Variants in KLHL24 observed in about 807,000 individuals in gnomAD.
The protein encoded by KLHL24 is kelch-like protein 24.
Under a neutral mutation model 53.4 loss-of-function variants are expected in KLHL24, and 29 were observed. The ratio of observed to expected loss-of-function variants is 0.54; its 90% CI spans 0.40 to 0.74. The LOEUF (loss-of-function observed/expected upper bound fraction) is 0.74, where lower values mean the gene tolerates loss of function less well. Among genes scored for constraint, KLHL24 ranks in the 30% least tolerant of loss-of-function variants. The pLI is 0.00. For missense variants in KLHL24, 504 were observed against 744.0 expected, an observed-to-expected ratio of 0.68 and a Z score of 3.75; for synonymous variants, 222 against 253.7, an observed-to-expected ratio of 0.88 and a Z score of 1.19.
chr3:183,682,059 T>A lies in KLHL24; in HGVS notation c.*2773T>A, dbSNP rs1055703898. On this transcript the variant is annotated 3_prime_UTR_variant, in exon 8 of 8. Coordinates refer to ENST00000242810, the MANE Select transcript of KLHL24 (RefSeq NM_017644.3). ...TCTGGAATTTTTTTTTATTTGGGCA[T>A]TTCTAGAACTTTTTACATTTGAAAG... The A allele has an allele frequency of 1.3e-5, 2 of 152,184 alleles. No individual in the cohort carries two copies. Among genetic ancestry groups the A allele is most frequent in the Non-Finnish European group, 1.5e-5 (1 of 67,978 alleles). 9.4% of individuals were successfully genotyped at this position (152,184 alleles called of 1,614,324 possible).
intron 3 of KLHL24, among the ~76,000 whole-genome samples, chr3:183,661,861 T>G (rs1042604902): frequency 9.9e-5 from 15 of 152,220 alleles, no homozygotes; most frequent in African/African-American, 3.4e-4. Context: ...CTTCAGTGAC[T>G]AGCAGTGTTT....
chr3:183,662,572 A>C (rs1039660579), intron 3 of KLHL24, among the ~76,000 whole-genome samples: 1 of 152,232 alleles, frequency 6.6e-6, no homozygotes, highest in East Asian at 1.9e-4. Flanking sequence ...TTTATGAACA[A>C]AAAATTGTGG....
intron 1 of KLHL24, among the ~76,000 whole-genome samples, chr3:183,640,891 C>A (rs1024672435): frequency 6.6e-6 from 1 of 151,870 alleles, no homozygotes; most frequent in Admixed American, 6.6e-5. Flanking sequence ...TGAGCCACCT[C>A]GGCCAGCCAG....
intron 1 of KLHL24, among the ~76,000 whole-genome samples, chr3:183,640,600 C>CTTTTTTTTT (rs761361160): frequency 1.3e-4 from 8 of 61,666 alleles, no homozygotes; most frequent in Non-Finnish European, 1.5e-4. Flanking sequence ...TTTCTTTTTT[C>CTTTTTTTTT]TTTTTTTTTT....
chr3:183,636,658 CGAGG>C (rs1351838169), intron 1 of KLHL24: 1 of 152,438 alleles, frequency 6.6e-6, no homozygotes, highest in African/African-American at 2.4e-5. Context: ...GGGCGGTACC[CGAGG>C]GAGAGTTCGA....
At position 183,650,192 on chromosome 3, in the gene KLHL24, ATATAT is replaced by A. The variant is rs1451925958; in HGVS notation, c.-61-100_-61-96del. The A allele has an allele frequency of 5.0e-6, 3 of 601,300 alleles. No homozygotes were observed. The highest frequency in any genetic ancestry group is 8.7e-6 in the Non-Finnish European group (3 of 345,852). The allele number at this position is 601,300 out of a possible 1,614,324, so 37.2% of individuals were successfully genotyped here. On this transcript the variant is annotated intron_variant, in intron 2 of 7. Coordinates refer to ENST00000242810, the MANE Select transcript of KLHL24 (RefSeq NM_017644.3). The surrounding 1 kb of genome is among the most constrained non-coding windows in gnomAD (Gnocchi z 4.5). ...GATAGTGCTGTGTACCCTATATGAAATATATTATGTGATTTTGTTGTAGTGTTTAT... is the reference window on the plus strand; with the variant it reads ...GATAGTGCTGTGTACCCTATATGAAATATGTGATTTTGTTGTAGTGTTTAT...
intron 3 of KLHL24, among the ~76,000 whole-genome samples, chr3:183,651,607 A>G (rs562753772): frequency 6.6e-6 from 1 of 152,296 alleles, no homozygotes; most frequent in African/African-American, 2.4e-5. Context: ...GAGTCTTTGG[A>G]TACAGGGTAG....
chr3:183,665,745 T>C (rs539126385), intron 5 of KLHL24, among the ~76,000 whole-genome samples: 2 of 152,052 alleles, frequency 1.3e-5, no homozygotes, highest in Admixed American at 6.5e-5. Flanking sequence ...CGAGACTCCA[T>C]CTCAAAAAAA....
chr3:183,656,608 T>G (rs1340103498), intron 3 of KLHL24, among the ~76,000 whole-genome samples: 1 of 152,222 alleles, frequency 6.6e-6, no homozygotes, highest in African/African-American at 2.4e-5. Flanking sequence ...CTCAGTATGC[T>G]AAGTGCTAGG....
intron 3 of KLHL24, among the ~76,000 whole-genome samples, chr3:183,659,439 A>C (rs148866829): frequency 3.3e-5 from 5 of 152,330 alleles, no homozygotes; most frequent in Non-Finnish European, 5.9e-5. Flanking sequence ...GCAGAGACTG[A>C]GGCAGGAGAA....
chr3:183,651,198 G>A lies in KLHL24; in HGVS notation c.842G>A (p.Cys281Tyr). 6.2e-7 allele frequency: 1 copy of A among 1,614,154 alleles called. No homozygotes were observed. The highest frequency in any genetic ancestry group is 1.1e-5 in the South Asian group (1 of 91,088). The change falls in exon 3 of 8, where the codon TGT (cysteine) becomes TAT (tyrosine). Residue 281 changes from cysteine (C) to tyrosine (Y), a missense_variant. Cys to Tyr is a radical substitution (Grantham distance 194). Coordinates refer to ENST00000242810, the MANE Select transcript of KLHL24 (RefSeq NM_017644.3). ...CAATTGATCCAGAATTCTCCTGAGT[G>A]TTATCAGTTGTTGCATGAAGCAAGA... is the stretch of plus-strand genomic sequence containing the variant. The part of the protein sequence containing the change: ...VDQLIQNSPE[C>Y]YQLLHEARRY...
At chr3:183,661,426 T>C (rs1719779795) in intron 3 of KLHL24, among the ~76,000 whole-genome samples, 1 of 152,182 alleles carries the variant, frequency 6.6e-6, no homozygotes, top group African/African-American at 2.4e-5. Flanking sequence ...CTGCCTGAGA[T>C]AAGTATTTCT....
chr3:183,640,955 T>C (rs1716329763), intron 1 of KLHL24, among the ~76,000 whole-genome samples: 1 of 152,074 alleles, frequency 6.6e-6, no homozygotes, highest in Admixed American at 6.6e-5. Flanking sequence ...ATTAAGAAAC[T>C]GGAAATGTTG....
Position 183,681,918 on chromosome 3 carries a change from G to A in KLHL24, c.*2632G>A, listed in dbSNP as rs1712719943. ...TCTATATATGTACATGTGTATGTAT[G>A]TAGATAGTATGGTTGTATACACACA... On this transcript the variant is annotated 3_prime_UTR_variant, in exon 8 of 8. Transcript: ENST00000242810. The A allele has an allele frequency of 6.7e-6, 1 of 150,104 alleles. No homozygotes were observed. The highest frequency in any genetic ancestry group is 6.6e-5 in the Admixed American group (1 of 15,202). 9.3% of individuals were successfully genotyped at this position (150,104 alleles called of 1,614,324 possible). A position where few individuals can be genotyped will look rare whatever the true frequency, so the allele number is the denominator to read the frequency against.
rs746044052 is a variant in KLHL24 at position 183,635,663 on chromosome 3, C to G, written c.-255C>G. 1 of 152,766 alleles carries G rather than the reference C, an allele frequency of 6.5e-6. No homozygotes were observed. Among genetic ancestry groups the G allele is most frequent in the Non-Finnish European group, 1.5e-5 (1 of 68,530 alleles). 9.5% of individuals were successfully genotyped at this position (152,766 alleles called of 1,614,324 possible). ...AGAGACTGGTGGCTGGAGGAGACGC[C>G]GGCGCTGGAGAGTGCGCTGCGCCGC... On this transcript the variant is annotated 5_prime_UTR_variant, in exon 1 of 8. Coordinates refer to ENST00000242810, the MANE Select transcript of KLHL24 (RefSeq NM_017644.3).
At chr3:183,676,253 A>G (rs965460141) in intron 7 of KLHL24, among the ~76,000 whole-genome samples, 12 of 152,004 alleles carry the variant, frequency 7.9e-5, no homozygotes, top group African/African-American at 2.9e-4. Flanking sequence ...ATGCCACCAC[A>G]CCCAGCTAAT....
At chr3:183,659,417 A>C (rs751589652) in intron 3 of KLHL24, among the ~76,000 whole-genome samples, 8 of 152,144 alleles carry the variant, frequency 5.3e-5, no homozygotes, top group Admixed American at 3.9e-4. Context: ...CATGCCTATA[A>C]TCCCAGCTGC....
chr3:183,661,864 C>T (rs1719848861), intron 3 of KLHL24, among the ~76,000 whole-genome samples: 1 of 152,040 alleles, frequency 6.6e-6, no homozygotes, highest in African/African-American at 2.4e-5. Context: ...CAGTGACTAG[C>T]AGTGTTTGTT....
chr3:183,658,617 G>C (rs1268672600), intron 3 of KLHL24, among the ~76,000 whole-genome samples: 1 of 152,096 alleles, frequency 6.6e-6, no homozygotes, highest in Admixed American at 6.6e-5. Context: ...CATAGGATAT[G>C]TGCATTTTAA....
Sources: allele counts gnomAD v4.1 joint callset (sites outside exome capture counted in the v4.1 genomes callset), GRCh38; gene constraint gnomAD v4.1.1; non-coding constraint Gnocchi (gnomAD v3.1); transcripts MANE v1.5; gene names NCBI Gene and HGNC (gene_info 2026-07-23, HGNC 2026-07-21).